Variants in TTN observed in about 807,000 individuals in gnomAD.
TTN encodes connectin.
Under a neutral mutation model 3,223.0 loss-of-function variants are expected in TTN, and 1,525 were observed. The observed-to-expected ratio is 0.47, with a 90% CI of 0.45 to 0.49. TTN has a LOEUF of 0.49. Ranked by LOEUF, TTN falls within the 20% of genes least tolerant of loss-of-function variation. The pLI is 0.00. For missense variants in TTN, 40,786 were observed against 43,424.0 expected (o/e 0.94, Z 5.40); for synonymous variants, 14,094 against 15,161.0 (o/e 0.93, Z 5.17).
At chr2:178,793,972 T>C (rs1257683139) in intron 8 of TTN, among the ~76,000 whole-genome samples, 1 of 152,238 alleles carries the variant, frequency 6.6e-6, no homozygotes, top group South Asian at 2.1e-4. Flanking sequence ...TCAAGTGTCA[T>C]GTTTGTTTTG....
chr2:178,749,265 C>G (rs2084645094), intron 47 of TTN: 2 of 1,611,640 alleles, frequency 1.2e-6, no homozygotes, highest in East Asian at 2.2e-5. Flanking sequence ...AATGGATAAA[C>G]AGTACCCTCT....
chr2:178,780,223 C>A lies in TTN; in HGVS notation c.3524-18G>T, dbSNP rs765793808. 5.6e-6 allele frequency: 9 copies of A among 1,597,652 alleles called. No individual in the cohort carries two copies. Among genetic ancestry groups the A allele is most frequent in the Non-Finnish European group, 7.7e-6 (9 of 1,165,476 alleles). Reference sequence around the variant, plus strand: ...ATAATCAGCTAAGAGTTAAGAACATCAGTTAATTTTTAATGCTCTTATTAG... The same window carrying A: ...ATAATCAGCTAAGAGTTAAGAACATAAGTTAATTTTTAATGCTCTTATTAG... On this transcript the variant is annotated intron_variant, in intron 21 of 362. Transcript: ENST00000589042.
Position 178,718,306 on chromosome 2 carries a change from G to T in TTN, c.24784+16C>A. ...AAAAGAAAGAGAGCAATAAAAAGAG[G>T]TAGCTGTCAACACACCTAAGACAGA... On this transcript the variant is annotated intron_variant, in intron 85 of 362. Coordinates refer to ENST00000589042, the MANE Select transcript of TTN (RefSeq NM_001267550.2). 1 of 1,606,256 alleles carries T rather than the reference G, an allele frequency of 6.2e-7. No individual in the cohort carries two copies. The highest frequency in any genetic ancestry group is 1.3e-5 in the African/African-American group (1 of 74,670).
chr2:178,601,815 T>C (rs775036527), intron 285 of TTN, 28 bp from the exon 286 acceptor site: 2 of 1,603,772 alleles, frequency 1.2e-6, no homozygotes, highest in South Asian at 1.1e-5. Context: ...TAGTCATACA[T>C]TGAATGAAAT....
rs775160689 is a variant in TTN, at chr2:178,739,443, T to G, written c.13790A>C (p.Glu4597Ala). 6.2e-7 allele frequency: 1 copy of G among 1,613,836 alleles called. No homozygotes were observed. The highest frequency in any genetic ancestry group is 2.2e-5 in the East Asian group (1 of 44,860). Reference protein sequence around the residue: ...EVATVKIQEAEGGLIKEDGPM... With the variant: ...EVATVKIQEAAGGLIKEDGPM... ...GCCATCCTCTTTGATTAAGCCACCC[T>G]CAGCTTCCTGTATCTTTACTGTAGC... The change falls in exon 48 of 363, where the codon GAG (glutamate) becomes GCG (alanine). Residue 4597 changes from glutamate to alanine, a missense_variant. Coordinates refer to ENST00000589042, the MANE Select transcript of TTN (RefSeq NM_001267550.2).
Position 178,532,673 on chromosome 2 carries a change from A to G in TTN, c.103942T>C (p.Tyr34648His). The G allele has an allele frequency of 6.2e-7, 1 of 1,613,970 alleles. No homozygotes were observed. The highest frequency in any genetic ancestry group is 8.5e-7 in the Non-Finnish European group (1 of 1,179,858). The change falls in exon 358 of 363, where the codon TAC (tyrosine) becomes CAC (histidine). Residue 34648 changes from tyrosine (Y) to histidine (H), a missense_variant. By Grantham distance (83) the Tyr-to-His change is moderately conservative. Transcript: ENST00000589042. ...CCAAGAGAACGTCTTCTAGGTCGGT[A>G]GTAAAAGTCATAATCAGGAGAAGGT... The part of the protein sequence containing the change: ...RTPSPDYDFY[Y>H]RPRRRSLGDI...
rs752978771 is a variant in TTN at position 178,527,311 on chromosome 2, T to C, written c.107681-4A>G. On this transcript the variant is annotated splice_region_variant and splice_polypyrimidine_tract_variant and intron_variant, in intron 362 of 362. Transcript: ENST00000589042. ...GCTTCAATTTTAGGCGGAATTCCTT[T>C]ATGGAACAATGACAAAAAAAAGGTC... 2 of 1,585,780 alleles carry C rather than the reference T, an allele frequency of 1.3e-6. No individual in the cohort carries two copies. The highest frequency in any genetic ancestry group is 1.7e-6 in the Non-Finnish European group (2 of 1,166,418).
At chr2:178,757,231 T>TGTACTTACTTTAAGTG (rs1252574568) in intron 45 of TTN, among the ~76,000 whole-genome samples, 4 of 148,870 alleles carry the variant, frequency 2.7e-5, no homozygotes, top group Admixed American at 6.7e-5. Context: ...TAAGTAATAA[T>TGTACTTACTTTAAGTG]CAGCAAATAG....
At chr2:178,744,746 A>G in intron 47 of TTN, 1 of 985,008 alleles carries the variant, frequency 1.0e-6, no homozygotes, top group South Asian at 4.7e-5. Flanking sequence ...ATCTATATGT[A>G]AACACAATAT....
rs1317114074 is a variant in TTN, at chr2:178,719,317, T to A, written c.24073A>T (p.Ile8025Phe). The change falls in exon 83 of 363, where the codon ATT becomes TTT. Residue 8025 changes from isoleucine (I) to phenylalanine (F), a missense_variant. By Grantham distance (21) the Ile-to-Phe change is conservative. Coordinates refer to ENST00000589042, the MANE Select transcript of TTN (RefSeq NM_001267550.2). ...GACTGACATTTGGGCCCACTAACAA[T>A]CTCATTTCCATCCTGAAACCAGCCA... is the stretch of plus-strand genomic sequence containing the variant. ...SVGWFQDGNE[I>F]VSGPKCQSSF... The A allele has an allele frequency of 1.2e-6, 2 of 1,613,604 alleles. No individual in the cohort carries two copies.
chr2:178,800,734 A>G, intron 3 of TTN, 52 bp from the exon 4 acceptor site: 1 of 1,534,152 alleles, frequency 6.5e-7, no homozygotes, highest in Non-Finnish European at 8.8e-7. Context: ...TGCTCCCTAC[A>G]AGGTATTTTT....
At chr2:178,603,743 T>A in intron 282 of TTN, 133 bp downstream of exon 282, 1 of 897,714 alleles carries the variant, frequency 1.1e-6, no homozygotes. Context: ...ATAGTCTATG[T>A]GAACATGAAC....
rs371992765 is a variant in TTN, at chr2:178,580,026, C to T, written c.67261G>A (p.Gly22421Arg). 6.2e-7 allele frequency: 1 copy of T among 1,613,274 alleles called. No homozygotes were observed. Among genetic ancestry groups the T allele is most frequent in the Non-Finnish European group, 8.5e-7 (1 of 1,179,484 alleles). Residue 22421 changes from glycine (G) to arginine (R), a missense_variant, in exon 318 of 363, where the codon GGA becomes AGA. Coordinates refer to ENST00000589042, the MANE Select transcript of TTN (RefSeq NM_001267550.2). ...TSFRVANLEE[G>R]KSYFFRVFAE... ...AACACTCGGAAGAAGTAGGATTTTC[C>T]CTCCTCCAAATTAGCTACTCTGAAG...
intron 240 of TTN, among the ~76,000 whole-genome samples, chr2:178,626,119 G>A (rs909034474): frequency 1.3e-5 from 2 of 151,902 alleles, no homozygotes; most frequent in African/African-American, 4.8e-5. Flanking sequence ...TATCAGCTAT[G>A]GCAAGCTAAA....
Position 178,777,695 on chromosome 2 carries a change from C to T in TTN, c.4480+9G>A. 6.2e-7 allele frequency: 1 copy of T among 1,613,990 alleles called. No individual in the cohort carries two copies. The highest frequency in any genetic ancestry group is 1.1e-5 in the South Asian group (1 of 91,074). On this transcript the variant is annotated intron_variant, in intron 25 of 362. Transcript: ENST00000589042. ...TTATGATTCATGAGCAAAAACTTAT[C>T]ACGCTTACCATCATGAAACCAGAAC...
intron 332 of TTN, 69 bp from the exon 333 acceptor site, chr2:178,554,285 C>T (rs576394686): frequency 3.1e-5 from 45 of 1,470,000 alleles, no homozygotes; most frequent in Middle Eastern, 3.6e-4. Context: ...CTTTGATGTT[C>T]GCATTCTTTC....
At position 178,577,011 on chromosome 2, in the gene TTN, A is replaced by C. The variant is rs147525123; in HGVS notation, c.69324T>G (p.Asn23108Lys). Residue 23108 changes from asparagine (N) to lysine (K), a missense_variant, in exon 324 of 363, where the codon AAT becomes AAG. Coordinates refer to ENST00000589042, the MANE Select transcript of TTN (RefSeq NM_001267550.2). ...CAGCTGAGACCCGGAAGATGTACTC[A>C]TTTCCTTGGATAAGTTTGGTTGCCA... ...RHVATKLIQG[N>K]EYIFRVSAVN... 6.2e-7 allele frequency: 1 copy of C among 1,613,408 alleles called. No homozygotes were observed. The highest frequency in any genetic ancestry group is 8.5e-7 in the Non-Finnish European group (1 of 1,179,558).
chr2:178,670,266 C>A lies in TTN; in HGVS notation c.35338G>T (p.Glu11780Ter). 6.7e-7 allele frequency: 1 copy of A among 1,492,784 alleles called. No homozygotes were observed. The highest frequency in any genetic ancestry group is 8.9e-7 in the Non-Finnish European group (1 of 1,127,432). 92.5% of individuals were successfully genotyped at this position (1,492,784 alleles called of 1,614,324 possible). The change falls in exon 157 of 363, where the codon GAA (glutamate) becomes TAA (stop). Residue 11780 changes from glutamate to a stop codon, truncating the protein, a stop_gained. Transcript: ENST00000589042. LOFTEE classifies it high-confidence loss of function. ...TCTTCAGGAACACGTACTTTTTCTT[C>A]TACCACAATTTTCTTAGGCACCTCC... The part of the protein sequence containing the change: ...VPEVPKKIVV[E>*]EKVRVPEEPR...
Position 178,695,937 on chromosome 2 carries a change from C to T in TTN, c.31135G>A (p.Glu10379Lys), listed in dbSNP as rs372123965. 79 of 1,503,992 alleles carry T rather than the reference C, an allele frequency of 5.3e-5. No individual in the cohort carries two copies. In the East Asian group the frequency reaches 6.9e-4, roughly 13 times the overall value. The allele number at this position is 1,503,992 out of a possible 1,614,324, so 93.2% of individuals were successfully genotyped here. Residue 10379 changes from glutamate (E) to lysine (K), a missense_variant, in exon 114 of 363, where the codon GAA becomes AAA. Coordinates refer to ENST00000589042, the MANE Select transcript of TTN (RefSeq NM_001267550.2). ...EYYEREEGYD[E>K]GEEEWEEAYQ... ...GCCTCTTCCCACTCTTCCTCCCCTT[C>T]GTCATAGCCTTCTTCCCTTTCATAG... is the stretch of plus-strand genomic sequence containing the variant.
Sources: gnomAD v4.1 joint callset for allele counts (sites outside exome capture counted in the v4.1 genomes callset) on GRCh38, gnomAD v4.1.1 for gene constraint, MANE v1.5 for transcripts, NCBI Gene and HGNC (gene_info 2026-07-23, HGNC 2026-07-21) for gene names.